The following HS6ST3 variants were observed in gnomAD, a reference collection of about 807,000 sequenced individuals.
HS6ST3 encodes heparan-sulfate 6-O-sulfotransferase 3.
Under a neutral mutation model 36.7 loss-of-function variants are expected in HS6ST3, and 12 were observed. The observed-to-expected ratio is 0.33, with a 90% CI of 0.21 to 0.53. The LOEUF is 0.53. Among genes scored for constraint, HS6ST3 ranks in the 20% least tolerant of loss-of-function variants. The pLI, the probability that HS6ST3 is intolerant of heterozygous loss-of-function variation, is 0.95. For missense variants in HS6ST3, 584 were observed against 640.9 expected (o/e 0.91, Z 0.96); for synonymous variants, 240 against 257.5 (o/e 0.93, Z 0.65).
chr13:96,492,546 G>GT (rs1178130166), intron 1 of HS6ST3, among the ~76,000 whole-genome samples: 1 of 152,202 alleles, frequency 6.6e-6, no homozygotes, highest in African/African-American at 2.4e-5. Context: ...TTGCAGAAAT[G>GT]TAGCCCCAGT....
intron 1 of HS6ST3, among the ~76,000 whole-genome samples, chr13:96,637,086 G>T (rs995314037): frequency 2.7e-4 from 41 of 152,206 alleles, no homozygotes; most frequent in Admixed American, 2.4e-3. Flanking sequence ...ACTTAGGGAA[G>T]TTATTATATA....
intron 1 of HS6ST3, among the ~76,000 whole-genome samples, chr13:96,508,448 T>C (rs1480728464): frequency 1.2e-4 from 19 of 152,064 alleles, no homozygotes; most frequent in Admixed American, 1.2e-3. Flanking sequence ...TAGTGGTGAA[T>C]TCCGAAATTT....
intron 1 of HS6ST3, among the ~76,000 whole-genome samples, chr13:96,776,070 C>T (rs1877380253): frequency 6.6e-6 from 1 of 152,118 alleles, no homozygotes; most frequent in African/African-American, 2.4e-5. Context: ...GGAAACTGAA[C>T]AACCTGCTCC....
At chr13:96,715,511 T>C (rs1199557890) in intron 1 of HS6ST3, among the ~76,000 whole-genome samples, 1 of 152,124 alleles carries the variant, frequency 6.6e-6, no homozygotes, top group Admixed American at 6.6e-5. Flanking sequence ...CTTTACTTTT[T>C]TGAATTCTTA....
At chr13:96,687,470 C>G (rs1566429810) in intron 1 of HS6ST3, among the ~76,000 whole-genome samples, 1 of 152,008 alleles carries the variant, frequency 6.6e-6, no homozygotes, top group Non-Finnish European at 1.5e-5. Context: ...TGCAGAATGT[C>G]TGTAAACATG....
At chr13:96,286,616 G>A (rs1389699790) in intron 1 of HS6ST3, among the ~76,000 whole-genome samples, 1 of 152,128 alleles carries the variant, frequency 6.6e-6, no homozygotes, top group Non-Finnish European at 1.5e-5. Flanking sequence ...GGCTAGGAAA[G>A]CATTAATTTC....
At chr13:96,591,769 G>T (rs770177646) in intron 1 of HS6ST3, among the ~76,000 whole-genome samples, 1 of 151,958 alleles carries the variant, frequency 6.6e-6, no homozygotes. Flanking sequence ...TCCTTGTTGT[G>T]TTCCTGATCT....
chr13:96,384,566 A>C (rs957573114), intron 1 of HS6ST3, among the ~76,000 whole-genome samples: 8 of 152,136 alleles, frequency 5.3e-5, no homozygotes, highest in African/African-American at 1.4e-4. Context: ...TGTTAGGTTT[A>C]GACAGAGGTG....
chr13:96,628,283 G>T (rs980239205), intron 1 of HS6ST3, among the ~76,000 whole-genome samples: 58 of 151,982 alleles, frequency 3.8e-4, no homozygotes, highest in African/African-American at 1.3e-3. Context: ...TCAGAAGCAT[G>T]TGAGTTTTTT....
At chr13:96,250,718 C>T (rs184658847) in intron 1 of HS6ST3, among the ~76,000 whole-genome samples, 1 of 152,278 alleles carries the variant, frequency 6.6e-6, no homozygotes, top group East Asian at 1.9e-4. Context: ...TCCAACTTCT[C>T]TCCGTTCGGC....
intron 1 of HS6ST3, among the ~76,000 whole-genome samples, chr13:96,124,806 C>T (rs75715602): frequency 0.02 from 3,112 of 152,238 alleles, 93 homozygotes; most frequent in African/African-American, 0.069. Flanking sequence ...ATGTAGACAG[C>T]GCAGGTAAGA....
intron 1 of HS6ST3, among the ~76,000 whole-genome samples, chr13:96,394,407 C>A (rs2389662): frequency 0.83 from 125,519 of 151,972 alleles, 52,204 homozygotes; most frequent in Non-Finnish European, 0.87. Context: ...TTTTAGACTT[C>A]AGCAAGGCAT....
At chr13:96,131,364 A>T (rs755091243) in intron 1 of HS6ST3, among the ~76,000 whole-genome samples, 39 of 146,246 alleles carry the variant, frequency 2.7e-4, no homozygotes, top group Non-Finnish European at 4.9e-4. Flanking sequence ...TAAACAAATT[A>T]AAAAAAATCT....
chr13:96,668,666 C>A (rs144315625), intron 1 of HS6ST3, among the ~76,000 whole-genome samples: 1,993 of 118,748 alleles, frequency 0.017, 25 homozygotes, highest in South Asian at 0.043. Context: ...AGAGAGGGAG[C>A]TGAGCACAGT....
chr13:96,678,177 A>G (rs2056705750), intron 1 of HS6ST3, among the ~76,000 whole-genome samples: 1 of 152,140 alleles, frequency 6.6e-6, no homozygotes. Context: ...TATAAATGTA[A>G]TAAACTCAGT....
Position 96,168,762 on chromosome 13 carries a change from T to C in HS6ST3, c.707+77193T>C, listed in dbSNP as rs1298407825. Among the ~76,000 whole-genome samples the C allele has an allele frequency of 2.6e-5, 4 of 151,908 alleles. No individual in the cohort carries two copies. In the East Asian group the frequency reaches 7.7e-4, roughly 29 times the overall value. ...ACCTATTGATTCTAATACATGTCTG[T>C]TATGTTTACTTTTTAATTTTTTATG... is the stretch of plus-strand genomic sequence containing the variant. On this transcript the variant is annotated intron_variant, in intron 1 of 1. Transcript: ENST00000376705.
rs869064004 is a variant in HS6ST3 at position 96,254,448 on chromosome 13, AATATATATATATATATATAT to A, written c.707+162911_707+162930del. 5.4e-3 allele frequency among the ~76,000 whole-genome samples: 89 copies of A among 16,524 alleles called. 1 individual carries two copies. The highest frequency in any genetic ancestry group is 0.018 in the African/African-American group (83 of 4,612). The allele number at this position is 16,524 out of a possible 152,430, so 10.8% of individuals were successfully genotyped here. On this transcript the variant is annotated intron_variant, in intron 1 of 1. Transcript: ENST00000376705. ...AAAAAAAAAAAAAAAAAAAAAAAAAAATATATATATATATATATATATATATATATATATATATATATATA... is the reference window on the plus strand; with the variant it reads ...AAAAAAAAAAAAAAAAAAAAAAAAAAATATATATATATATATATATATATA...
At chr13:96,588,009 G>A (rs2056368265) in intron 1 of HS6ST3, among the ~76,000 whole-genome samples, 1 of 152,108 alleles carries the variant, frequency 6.6e-6, no homozygotes, top group South Asian at 2.1e-4. Context: ...ATGTTTTGAT[G>A]CTATTTTGAA....
At chr13:96,327,175 T>C (rs2055037005) in intron 1 of HS6ST3, among the ~76,000 whole-genome samples, 1 of 151,134 alleles carries the variant, frequency 6.6e-6, no homozygotes, top group Non-Finnish European at 1.5e-5. Context: ...CAGAAGCTCT[T>C]TAGTTTAATT....
Sources: allele counts gnomAD v4.1 joint callset (sites outside exome capture counted in the v4.1 genomes callset), GRCh38; gene constraint gnomAD v4.1.1; transcripts MANE v1.5; gene names NCBI Gene and HGNC (gene_info 2026-07-23, HGNC 2026-07-21).